KAZN: variants seen among roughly 807,000 people sequenced by gnomAD.
KAZN encodes kazrin.
KAZN carries 40 observed loss-of-function variants against 87.4 expected under a neutral mutation model. The observed-to-expected ratio is 0.46, with a 90% CI of 0.36 to 0.60. KAZN has a LOEUF of 0.60. KAZN is among the 20% of genes least tolerant of loss of function. The probability of loss-of-function intolerance (pLI) is 0.00; values close to 1 mark genes in which losing one functional copy is unlikely to be tolerated. For missense variants in KAZN, 898 were observed against 1,073.9 expected (o/e 0.84, Z 2.29); for synonymous variants, 466 against 458.3 (o/e 1.02, Z -0.22).
chr1:14,379,101 T>C (rs1351791423), intron 2 of KAZN, among the ~76,000 whole-genome samples: 1 of 149,268 alleles, frequency 6.7e-6, no homozygotes, highest in Non-Finnish European at 1.5e-5. Flanking sequence ...TTTCCAGGCC[T>C]GAGCTCCCAG....
At chr1:14,209,127 G>A (rs72865733) in intron 2 of KAZN, among the ~76,000 whole-genome samples, 2,275 of 152,308 alleles carry the variant, frequency 0.015, 47 homozygotes, top group African/African-American at 0.052. Context: ...TTAGGATCTC[G>A]GCTGCTATGC....
chr1:14,466,894 A>G (rs180828998), intron 2 of KAZN, among the ~76,000 whole-genome samples: 2,810 of 152,098 alleles, frequency 0.018, 43 homozygotes, highest in Non-Finnish European at 0.025. Flanking sequence ...GCGTGAACCC[A>G]GGAGGTGGAG....
At chr1:13,933,417 G>A (rs1023554813) in intron 1 of KAZN, among the ~76,000 whole-genome samples, 3 of 152,122 alleles carry the variant, frequency 2.0e-5, no homozygotes, top group East Asian at 3.9e-4. Context: ...GCTTGAACCC[G>A]GGAGACGGAG....
At chr1:14,035,171 G>A (rs1641499418) in intron 1 of KAZN, among the ~76,000 whole-genome samples, 1 of 152,192 alleles carries the variant, frequency 6.6e-6, no homozygotes, top group Admixed American at 6.5e-5. Context: ...TGGTAGGAAG[G>A]GCAGATAGGC....
At position 14,258,195 on chromosome 1, in the gene KAZN, A is replaced by ATTCT. The variant is rs201211061; in HGVS notation, c.249+77626_249+77629dup. On this transcript the variant is annotated intron_variant, in intron 2 of 16. Transcript: ENST00000636203. The stretch of plus-strand genomic sequence containing the variant: ...ACTGTATTTTGGGAAACATTTCAAG[A>ATTCT]TTCTTTCTTTCTTTCTTTCTTTCTT... Among the ~76,000 whole-genome samples the ATTCT allele has an allele frequency of 4.2e-3, 598 of 142,384 alleles. 8 individuals are homozygous for ATTCT. The highest frequency in any genetic ancestry group is 0.031 in the South Asian group (135 of 4,288). 93.4% of individuals were successfully genotyped at this position (142,384 alleles called of 152,430 possible). A position where few individuals can be genotyped will look rare whatever the true frequency, so the allele number is the denominator to read the frequency against.
intron 1 of KAZN, among the ~76,000 whole-genome samples, chr1:14,875,960 C>T (rs1359459806): frequency 1.3e-5 from 2 of 152,346 alleles, no homozygotes; most frequent in South Asian, 2.1e-4. Flanking sequence ...CAAACTTTCA[C>T]AGTTGACACC....
At chr1:13,925,025 C>T (rs1640220297) in intron 1 of KAZN, among the ~76,000 whole-genome samples, 1 of 152,198 alleles carries the variant, frequency 6.6e-6, no homozygotes, top group Non-Finnish European at 1.5e-5. Context: ...AAATTTAGAG[C>T]ATTTTTATCA....
intron 1 of KAZN, among the ~76,000 whole-genome samples, chr1:14,679,974 G>A (rs535900989): frequency 1.4e-4 from 21 of 152,256 alleles, no homozygotes; most frequent in Non-Finnish European, 2.5e-4. Context: ...AGACCAACAG[G>A]ACAAGAGGGA....
intron 1 of KAZN, among the ~76,000 whole-genome samples, chr1:14,015,956 G>T (rs978187955): frequency 2.6e-5 from 4 of 151,990 alleles, no homozygotes; most frequent in African/African-American, 9.7e-5. Flanking sequence ...GGCCTCCCTA[G>T]AAAATACCTC....
chr1:14,625,323 C>T (rs900721325), intron 1 of KAZN, among the ~76,000 whole-genome samples: 4 of 152,028 alleles, frequency 2.6e-5, no homozygotes, highest in African/African-American at 9.7e-5. Flanking sequence ...TAGATTTAGC[C>T]CTGATTAACA....
chr1:14,061,614 C>T (rs1357538903), intron 1 of KAZN, among the ~76,000 whole-genome samples: 1 of 152,234 alleles, frequency 6.6e-6, no homozygotes, highest in Non-Finnish European at 1.5e-5. Context: ...CAACAGGGAG[C>T]TTTGACATGT....
At chr1:14,122,178 G>T (rs1644766412) in intron 1 of KAZN, among the ~76,000 whole-genome samples, 1 of 152,132 alleles carries the variant, frequency 6.6e-6, no homozygotes, top group African/African-American at 2.4e-5. Context: ...GCAGTGGAGG[G>T]GGTAAGAGGT....
At chr1:14,497,973 A>G (rs1030887966) in intron 2 of KAZN, among the ~76,000 whole-genome samples, 2 of 152,196 alleles carry the variant, frequency 1.3e-5, no homozygotes, top group Non-Finnish European at 2.9e-5. Context: ...TTAAAACTCA[A>G]GCTTTGCAGC....
intron 2 of KAZN, among the ~76,000 whole-genome samples, chr1:15,017,866 A>G (rs993861993): frequency 2.0e-5 from 3 of 152,150 alleles, no homozygotes; most frequent in Non-Finnish European, 4.4e-5. Context: ...AACCATTCTC[A>G]TAAGCCTGCC....
intron 2 of KAZN, among the ~76,000 whole-genome samples, chr1:14,229,673 A>G (rs553360686): frequency 3.4e-4 from 52 of 152,370 alleles, no homozygotes; most frequent in Non-Finnish European, 7.1e-4. Context: ...AACATCAGTC[A>G]TCATTTGGAC....
At chr1:14,836,370 G>A (rs1189717685) in intron 1 of KAZN, among the ~76,000 whole-genome samples, 1 of 152,162 alleles carries the variant, frequency 6.6e-6, no homozygotes, top group Non-Finnish European at 1.5e-5. Flanking sequence ...GAGTGGGTGG[G>A]ACGAGCTCCA....
rs371790104 is a variant in KAZN, at chr1:14,575,661, C to T, written c.250-23322C>T. Among the ~76,000 whole-genome samples, 10 of 152,226 alleles carry T rather than the reference C, an allele frequency of 6.6e-5. No individual in the cohort carries two copies. The South Asian group carries it at 2.1e-3, about 32-fold the overall frequency. ...CAAGTAACCAGCACTTGAACTAGGTCAGTGGTCATGATTAAATGGAGGAGG... is the reference window on the plus strand; with the variant it reads ...CAAGTAACCAGCACTTGAACTAGGTTAGTGGTCATGATTAAATGGAGGAGG... On this transcript the variant is annotated intron_variant, in intron 2 of 16. Coordinates refer to the KAZN transcript ENST00000636203.
At position 14,353,784 on chromosome 1, in the gene KAZN, A is replaced by G. The variant is rs183440823; in HGVS notation, c.249+173192A>G. Among the ~76,000 whole-genome samples the G allele has an allele frequency of 3.3e-3, 508 of 152,322 alleles. 2 individuals are homozygous for G. Among genetic ancestry groups the G allele is most frequent in the African/African-American group, 0.012 (479 of 41,562 alleles). On this transcript the variant is annotated intron_variant, in intron 2 of 16. Transcript: ENST00000636203. ...TAAAATATTGATGACAGAAATGAAA[A>G]AACTAAGTATAAAGATATGCCATCT...
chr1:14,267,894 A>G (rs1651619070), intron 2 of KAZN, among the ~76,000 whole-genome samples: 1 of 152,168 alleles, frequency 6.6e-6, no homozygotes, highest in Admixed American at 6.5e-5. Context: ...CAGGAGGCGG[A>G]GTTTGCAGTG....
Sources: allele counts gnomAD v4.1 joint callset (sites outside exome capture counted in the v4.1 genomes callset), GRCh38; gene constraint gnomAD v4.1.1; transcripts MANE v1.5; gene names NCBI Gene and HGNC (gene_info 2026-07-23, HGNC 2026-07-21).